The following CNTLN variants were observed in gnomAD, a reference collection of about 807,000 sequenced individuals.
The protein encoded by CNTLN is centlein, also known as centlein, centrosomal protein.
In CNTLN, 212 loss-of-function variants were observed where a neutral mutation model predicts 180.0. The observed-to-expected ratio is 1.18, with a 90% CI of 1.05 to 1.32. The LOEUF is 1.32. Ranked by LOEUF, CNTLN falls within the 40% of genes most tolerant of loss-of-function variation. The probability of loss-of-function intolerance (pLI) is 0.00; values close to 1 mark genes in which losing one functional copy is unlikely to be tolerated. For missense variants in CNTLN, 2,095 were observed against 1,610.9 expected, an observed-to-expected ratio of 1.30 and a Z score of -5.14; for synonymous variants, 722 against 563.1, an observed-to-expected ratio of 1.28 and a Z score of -3.99.
At chr9:17,288,326 GA>G (rs1284048673) in intron 6 of CNTLN, among the ~76,000 whole-genome samples, 1 of 117,538 alleles carries the variant, frequency 8.5e-6, no homozygotes, top group Non-Finnish European at 1.7e-5. Flanking sequence ...CTTTGAGTGA[GA>G]TTCTTAATCC....
At chr9:17,383,269 C>T (rs1013960860) in intron 13 of CNTLN, among the ~76,000 whole-genome samples, 17 of 152,082 alleles carry the variant, frequency 1.1e-4, no homozygotes, top group African/African-American at 4.1e-4. Context: ...GTGGCTCACA[C>T]TGTAATCCCA....
At chr9:17,209,882 T>C (rs1223579117) in intron 2 of CNTLN, among the ~76,000 whole-genome samples, 1 of 152,166 alleles carries the variant, frequency 6.6e-6, no homozygotes, top group African/African-American at 2.4e-5. Context: ...GAAAATACTA[T>C]GATTTTACAG....
chr9:17,284,609 C>T (rs1231631612), intron 6 of CNTLN, among the ~76,000 whole-genome samples: 1 of 151,532 alleles, frequency 6.6e-6, no homozygotes, highest in Non-Finnish European at 1.5e-5. Context: ...GGTGACATCC[C>T]CTTTATCTTT....
chr9:17,512,967 C>T, the CNTLN span, among the ~76,000 whole-genome samples: 1 of 152,104 alleles, frequency 6.6e-6, no homozygotes, highest in Non-Finnish European at 1.5e-5. Context: ...CAGGCGCCCA[C>T]CACTATGCCC....
chr9:17,273,889 T>A lies in CNTLN; in HGVS notation c.983+23T>A, dbSNP rs369815885. ...CAGGCAAGTATATTCAATTTTTAAT[T>A]TAACATCATAGAAATGTCATTAGTT... On this transcript the variant is annotated intron_variant, in intron 6 of 25. Coordinates refer to ENST00000380647, the MANE Select transcript of CNTLN (RefSeq NM_017738.4). 56 of 1,487,264 alleles carry A rather than the reference T, an allele frequency of 3.8e-5. No homozygotes were observed. In the East Asian group the frequency reaches 4.5e-4, roughly 12 times the overall value. The allele number at this position is 1,487,264 out of a possible 1,614,324, so 92.1% of individuals were successfully genotyped here. A position where few individuals can be genotyped will look rare whatever the true frequency, so the allele number is the denominator to read the frequency against.
intron 7 of CNTLN, chr9:17,300,897 G>A: frequency 1.2e-6 from 1 of 830,714 alleles, no homozygotes; most frequent in Non-Finnish European, 1.4e-6. Flanking sequence ...AAGCTTTCCT[G>A]CCCAGTTATC....
rs534896054 is a variant in CNTLN at position 17,185,258 on chromosome 9, A to G, written c.450-40945A>G. 1.3e-4 allele frequency among the ~76,000 whole-genome samples: 20 copies of G among 152,318 alleles called. No individual in the cohort carries two copies. In the South Asian group the frequency reaches 1.9e-3, roughly 14 times the overall value. Reference sequence around the variant, plus strand: ...GTTATCAATTTTATTGCAATAGATAATATGTCTAAAACATGAGTAAATCAA... The same window carrying G: ...GTTATCAATTTTATTGCAATAGATAGTATGTCTAAAACATGAGTAAATCAA... On this transcript the variant is annotated intron_variant, in intron 2 of 25. Coordinates refer to ENST00000380647, the MANE Select transcript of CNTLN (RefSeq NM_017738.4).
At chr9:17,377,359 A>T (rs1049503128) in intron 13 of CNTLN, among the ~76,000 whole-genome samples, 1 of 152,184 alleles carries the variant, frequency 6.6e-6, no homozygotes, top group African/African-American at 2.4e-5. Context: ...AGCCTGGCCA[A>T]CATGACAAAA....
chr9:17,507,970 C>T (rs935176387), downstream of CNTLN, among the ~76,000 whole-genome samples: 5 of 152,286 alleles, frequency 3.3e-5, no homozygotes, highest in East Asian at 5.8e-4. Context: ...GCCTTCTGTA[C>T]TCTTACATTT....
chr9:17,145,723 C>G (rs905959423), intron 2 of CNTLN, among the ~76,000 whole-genome samples: 1 of 152,166 alleles, frequency 6.6e-6, no homozygotes, highest in Non-Finnish European at 1.5e-5. Flanking sequence ...CGTTTGTCAT[C>G]ATAGGTTTTC....
At chr9:17,257,039 A>G (rs181346727) in intron 5 of CNTLN, among the ~76,000 whole-genome samples, 2,615 of 151,964 alleles carry the variant, frequency 0.017, 82 homozygotes, top group African/African-American at 0.06. Flanking sequence ...GGTTAGTTAC[A>G]TATGTATACA....
chr9:17,199,782 T>G (rs1462717613), intron 2 of CNTLN, among the ~76,000 whole-genome samples: 1 of 152,190 alleles, frequency 6.6e-6, no homozygotes, highest in Non-Finnish European at 1.5e-5. Flanking sequence ...TCTCCCATTT[T>G]GTAGGTTGCC....
In CNTLN at chr9:17,442,190, A is replaced by C. The variant is rs569111198; in HGVS notation, c.3115-15334A>C. On this transcript the variant is annotated intron_variant, in intron 18 of 25. Transcript: ENST00000380647. ...ATTGAACCTAACAGATATGTAGAGA[A>C]TACTCTACCCAACAACAGCAGAATA... Among the ~76,000 whole-genome samples, 8 of 152,326 alleles carry C rather than the reference A, an allele frequency of 5.3e-5. 1 individual carries two copies. In the South Asian group the frequency reaches 1.7e-3, roughly 32 times the overall value.
intron 9 of CNTLN, 127 bp downstream of exon 9, chr9:17,330,935 T>C (rs1193756949): frequency 1.3e-6 from 1 of 776,208 alleles, no homozygotes; most frequent in African/African-American, 1.8e-5. Flanking sequence ...AAAAATATTA[T>C]GTACCGAACT....
intron 15 of CNTLN, among the ~76,000 whole-genome samples, chr9:17,401,382 T>C (rs1020981512): frequency 4.6e-5 from 7 of 152,136 alleles, no homozygotes; most frequent in African/African-American, 1.7e-4. Flanking sequence ...AGAGATTTTT[T>C]TTTTTTAATG....
intron 15 of CNTLN, among the ~76,000 whole-genome samples, chr9:17,401,600 T>C (rs1275261531): frequency 1.3e-5 from 2 of 151,806 alleles, no homozygotes; most frequent in Non-Finnish European, 2.9e-5. Context: ...TTTGAACTTC[T>C]GGTCTCAAGT....
chr9:17,355,387 A>G (rs768661322), intron 12 of CNTLN, among the ~76,000 whole-genome samples: 6 of 152,166 alleles, frequency 3.9e-5, no homozygotes, highest in Non-Finnish European at 4.4e-5. Flanking sequence ...TCCGTAGGCT[A>G]TATTTCCCCT....
chr9:17,164,474 T>C (rs1374879663), intron 2 of CNTLN, among the ~76,000 whole-genome samples: 1 of 142,668 alleles, frequency 7.0e-6, no homozygotes, highest in African/African-American at 2.6e-5. Context: ...TTTTTTTTTT[T>C]TTTTTTTTGA....
intron 18 of CNTLN, among the ~76,000 whole-genome samples, chr9:17,416,658 T>A (rs939203926): frequency 5.3e-5 from 8 of 152,188 alleles, no homozygotes; most frequent in Admixed American, 1.3e-4. Flanking sequence ...TCTATTTTAA[T>A]GTATTCCAGT....
Sources: allele counts gnomAD v4.1 joint callset (sites outside exome capture counted in the v4.1 genomes callset), GRCh38; gene constraint gnomAD v4.1.1; transcripts MANE v1.5; gene names NCBI Gene and HGNC (gene_info 2026-07-23, HGNC 2026-07-21).